The following FBN3 variants were observed in gnomAD, a reference collection of about 807,000 sequenced individuals.
FBN3 encodes the protein fibrillin 3, also known as fibrillin-3.
A neutral mutation model predicts 330.1 loss-of-function variants in FBN3; 234 were observed. The observed-to-expected ratio is 0.71, with a 90% CI of 0.64 to 0.79. The LOEUF (loss-of-function observed/expected upper bound fraction) is 0.79, where lower values mean the gene tolerates loss of function less well. FBN3 is among the 30% of genes least tolerant of loss of function. The pLI is 0.00. For synonymous variants in FBN3, 1,458 were observed against 1,517.3 expected (o/e 0.96, Z 0.91); for missense variants, 3,606 against 3,886.9 (o/e 0.93, Z 1.92).
At chr19:8,095,907 C>A in intron 45 of FBN3, 57 bp downstream of exon 45, 2 of 1,123,896 alleles carry the variant, frequency 1.8e-6, no homozygotes, top group South Asian at 2.6e-5. Context: ...TCTAGATTCA[C>A]TTCCTTAGAT....
chr19:8,110,598 AAC>A (rs1463309446), intron 34 of FBN3, among the ~76,000 whole-genome samples: 1 of 152,234 alleles, frequency 6.6e-6, no homozygotes, highest in Non-Finnish European at 1.5e-5. Context: ...CCATTTCTAA[AAC>A]ACACAGAGGT....
rs547337708 is a variant in FBN3, at chr19:8,099,321, C to T, written c.5161+1580G>A. Among the ~76,000 whole-genome samples, 21 of 135,784 alleles carry T rather than the reference C, an allele frequency of 1.5e-4. No individual in the cohort carries two copies. In the South Asian group the frequency reaches 4.1e-3, roughly 27 times the overall value. The allele number at this position is 135,784 out of a possible 152,430, so 89.1% of individuals were successfully genotyped here. On this transcript the variant is annotated intron_variant, in intron 41 of 63. Transcript: ENST00000600128. Reference sequence around the variant, plus strand: ...TTTGCAACGGAGTCTTGCTCTGTCGCCCAGGCTAGAGTACAGTGGCACGAT... The same window carrying T: ...TTTGCAACGGAGTCTTGCTCTGTCGTCCAGGCTAGAGTACAGTGGCACGAT...
At chr19:8,104,962 T>C (rs2144783024) in intron 38 of FBN3, among the ~76,000 whole-genome samples, 1 of 152,112 alleles carries the variant, frequency 6.6e-6, no homozygotes, top group South Asian at 2.1e-4. Flanking sequence ...TTTCTTTCTT[T>C]TATTTTTTTT....
chr19:8,091,876 G>A (rs894386435), intron 47 of FBN3, among the ~76,000 whole-genome samples: 3 of 152,118 alleles, frequency 2.0e-5, no homozygotes, highest in Non-Finnish European at 4.4e-5. Context: ...ACAGTGTGGC[G>A]ATTCCTTAAA....
chr19:8,081,634 T>C (rs1249346936), intron 57 of FBN3, among the ~76,000 whole-genome samples, 154 bp from the exon 58 acceptor site: 1 of 152,140 alleles, frequency 6.6e-6, no homozygotes, highest in Non-Finnish European at 1.5e-5. Flanking sequence ...AGGTGGGAAA[T>C]ACATTTGGTT....
In FBN3 at chr19:8,141,811, C is replaced by T. The variant is rs2083421830; in HGVS notation, c.771G>A (p.Leu257=). 3.1e-6 allele frequency: 5 copies of T among 1,614,058 alleles called. No homozygotes were observed. The highest frequency in any genetic ancestry group is 3.4e-6 in the Non-Finnish European group (4 of 1,180,028). ...DVDECQAVPG[L]CQGGSCVNMV... Reference sequence around the variant, plus strand: ...TGTTGACGCAGCTGCCTCCCTGGCACAGGCCTGGCACAGCCTGGCACTCAT... The same window carrying T: ...TGTTGACGCAGCTGCCTCCCTGGCATAGGCCTGGCACAGCCTGGCACTCAT... The change falls in exon 8 of 64, where the codon CTG becomes CTA. Residue 257 remains leucine, a synonymous_variant. Transcript: ENST00000600128.
At position 8,089,805 on chromosome 19, in the gene FBN3, G is replaced by C. The variant is rs548585316; in HGVS notation, c.6250+89C>G. 3 of 1,525,590 alleles carry C rather than the reference G, an allele frequency of 2.0e-6. No homozygotes were observed. The South Asian group carries it at 3.7e-5, about 19-fold the overall frequency. 94.5% of individuals were successfully genotyped at this position (1,525,590 alleles called of 1,614,324 possible). On this transcript the variant is annotated intron_variant, in intron 50 of 63. Transcript: ENST00000600128. ...GGTCCAGGGCCACCCAGGCTCTCAG[G>C]GGGAGCCTGAAACTCAGAGACCCAG...
chr19:8,083,603 C>T (rs1288630121), intron 56 of FBN3, among the ~76,000 whole-genome samples: 1 of 152,004 alleles, frequency 6.6e-6, no homozygotes, highest in Non-Finnish European at 1.5e-5. Context: ...ACACCCACCC[C>T]TCCCCAGCCT....
At chr19:8,135,936 G>GGGGGGGGGGGGGCCCCCC in intron 13 of FBN3, 25 bp downstream of exon 13, 21 of 668,684 alleles carry the variant, frequency 3.1e-5, no homozygotes, top group East Asian at 3.9e-5. Context: ...GGAAGCCCCT[G>GGGGGGGGGGGGGCCCCCC]CCCACCCGCC....
intron 48 of FBN3, among the ~76,000 whole-genome samples, chr19:8,090,933 C>T (rs1041935597): frequency 1.3e-5 from 2 of 152,132 alleles, no homozygotes; most frequent in African/African-American, 2.4e-5. Context: ...TCCAGAAAGC[C>T]CGAGGATCCA....
intron 47 of FBN3, among the ~76,000 whole-genome samples, chr19:8,093,548 G>A (rs1347829265): frequency 1.3e-5 from 2 of 152,182 alleles, no homozygotes; most frequent in Non-Finnish European, 2.9e-5. Flanking sequence ...GCGTGAACCT[G>A]GGAGGCGGAG....
At chr19:8,113,841 C>CA (rs34470005) in intron 30 of FBN3, among the ~76,000 whole-genome samples, 50,187 of 117,594 alleles carry the variant, frequency 0.43, 11,352 homozygotes, top group Non-Finnish European at 0.51. Flanking sequence ...ACTATCTCTA[C>CA]AAAAAAAAAA....
At chr19:8,120,756 C>T (rs1449498408) in intron 25 of FBN3, among the ~76,000 whole-genome samples, 2 of 152,174 alleles carry the variant, frequency 1.3e-5, no homozygotes, top group Non-Finnish European at 2.9e-5. Flanking sequence ...GGATTACAGG[C>T]GAGGGCCACT....
intron 8 of FBN3, among the ~76,000 whole-genome samples, chr19:8,139,348 A>AAAAT (rs539030073): frequency 5.5e-4 from 83 of 152,276 alleles, no homozygotes; most frequent in Middle Eastern, 3.4e-3. Flanking sequence ...TTCCGCCTCA[A>AAAAT]AAATAAATAA....
intron 10 of FBN3, among the ~76,000 whole-genome samples, chr19:8,136,881 G>A (rs2083295276): frequency 6.8e-6 from 1 of 147,776 alleles, no homozygotes. Context: ...CTCCAACCTG[G>A]GCCTGGATCC....
chr19:8,138,521 G>A lies in FBN3; in HGVS notation c.909C>T (p.Arg303=). Residue 303 remains arginine, a synonymous_variant, in exon 9 of 64, where the codon CGC becomes CGT. Transcript: ENST00000600128. ...GACFSVLFGG[R]CAGDLAGHYT... ...AGTGGCCGGCGAGGTCTCCAGCACA[G>A]CGGCCCCCGAAAAGCACTGAGAAGC... 7 of 1,612,456 alleles carry A rather than the reference G, an allele frequency of 4.3e-6. No individual in the cohort carries two copies. The highest frequency in any genetic ancestry group is 5.1e-6 in the Non-Finnish European group (6 of 1,179,922).
intron 4 of FBN3, 88 bp downstream of exon 4, chr19:8,146,039 C>A: frequency 6.7e-7 from 1 of 1,496,578 alleles, no homozygotes; most frequent in Non-Finnish European, 9.1e-7. Context: ...CCGCTCCTGT[C>A]CTTCAACAAA....
At chr19:8,108,084 T>C in intron 37 of FBN3, 86 bp downstream of exon 37, 1 of 1,201,144 alleles carries the variant, frequency 8.3e-7, no homozygotes, top group Non-Finnish European at 1.2e-6. Flanking sequence ...ACAAAACTAC[T>C]CAACTCTACA....
intron 30 of FBN3, among the ~76,000 whole-genome samples, chr19:8,114,545 G>A (rs546369931): frequency 7.7e-4 from 117 of 152,092 alleles, no homozygotes; most frequent in African/African-American, 2.7e-3. Context: ...ACCCTGCCCA[G>A]GCTAATTTTT....
Sources: allele counts gnomAD v4.1 joint callset (sites outside exome capture counted in the v4.1 genomes callset), GRCh38; gene constraint gnomAD v4.1.1; transcripts MANE v1.5; gene names NCBI Gene and HGNC (gene_info 2026-07-23, HGNC 2026-07-21).